The following PRH1 variants were observed in gnomAD, a reference collection of about 807,000 sequenced individuals.
PRH1 encodes salivary acidic proline-rich phosphoprotein 1/2.
In PRH1, 7 loss-of-function variants were observed where a neutral mutation model predicts 7.9. The observed-to-expected ratio is 0.89, with a 90% CI of 0.50 to 1.67. The LOEUF (loss-of-function observed/expected upper bound fraction) is 1.67. Among genes scored for constraint, PRH1 ranks in the 40% most tolerant of loss-of-function variants. The pLI is 0.00. For missense variants in PRH1, 109 were observed against 223.6 expected (o/e 0.49, Z 3.27); for synonymous variants, 45 against 80.8 (o/e 0.56, Z 2.38).
intron 1 of PRH1, among the ~76,000 whole-genome samples, chr12:11,032,603 C>G (rs919955195): frequency 6.6e-6 from 1 of 152,128 alleles, no homozygotes; most frequent in African/African-American, 2.4e-5. Context: ...GAAATTAGTC[C>G]TATTTTCCCA....
intron 2 of PRH1, among the ~76,000 whole-genome samples, chr12:10,916,804 T>C (rs1237985136): frequency 6.6e-6 from 1 of 151,934 alleles, no homozygotes; most frequent in Non-Finnish European, 1.5e-5. Flanking sequence ...TCCCAGCATT[T>C]TGGGAGGCCA....
At chr12:11,143,819 C>T (rs61931269) in intron 1 of PRH1, among the ~76,000 whole-genome samples, 14 of 152,088 alleles carry the variant, frequency 9.2e-5, no homozygotes, top group African/African-American at 3.1e-4. Context: ...GGAGCTCCCA[C>T]GTATATAAGT....
At chr12:10,953,979 T>C (rs1269280717) in intron 2 of PRH1, among the ~76,000 whole-genome samples, 1 of 152,166 alleles carries the variant, frequency 6.6e-6, no homozygotes, top group Non-Finnish European at 1.5e-5. Context: ...TGAAAAAGAA[T>C]GTCCGACCAA....
intron 1 of PRH1, among the ~76,000 whole-genome samples, chr12:11,137,174 T>C (rs72477461): frequency 6.6e-6 from 1 of 152,084 alleles, no homozygotes; most frequent in African/African-American, 2.4e-5. Flanking sequence ...TAATAAAATA[T>C]AGTATCTCAA....
chr12:10,894,878 G>A (rs1423834512), intron 2 of PRH1: 3 of 152,164 alleles, frequency 2.0e-5, no homozygotes, highest in African/African-American at 7.2e-5. Context: ...AGAAACAAAT[G>A]TGTAGCCCTC....
intron 1 of PRH1, among the ~76,000 whole-genome samples, chr12:10,999,846 T>C (rs1392805938): frequency 6.6e-6 from 1 of 152,164 alleles, no homozygotes; most frequent in Non-Finnish European, 1.5e-5. Flanking sequence ...CATGGCTTCT[T>C]GCACTAGATA....
In PRH1 at chr12:11,068,874, T is replaced by C. The variant is rs1943938022; in HGVS notation, n.124-21686A>G. Among the ~76,000 whole-genome samples, 4 of 150,230 alleles carry C rather than the reference T, an allele frequency of 2.7e-5. No individual in the cohort carries two copies. In the South Asian group the frequency reaches 8.4e-4, roughly 31 times the overall value. On this transcript the variant is annotated intron_variant and non_coding_transcript_variant, in intron 1 of 4. Coordinates refer to the PRH1 transcript ENST00000541977. The stretch of plus-strand genomic sequence containing the variant: ...ATTCAAGCAAAAATATTATTAATAC[T>C]CCATCTTTTCCCTTAGATTTTTGGT...
At chr12:10,997,022 G>C in intron 1 of PRH1, 1 of 1,614,008 alleles carries the variant, frequency 6.2e-7, no homozygotes, top group Non-Finnish European at 8.5e-7. Flanking sequence ...CTGCTTTAGC[G>C]TCTTGTTCCC....
chr12:11,017,320 A>C (rs74329132), intron 1 of PRH1, among the ~76,000 whole-genome samples: 1 of 152,306 alleles, frequency 6.6e-6, no homozygotes, highest in African/African-American at 2.4e-5. Flanking sequence ...TACAATAACC[A>C]GGAAATGGAA....
intron 1 of PRH1, among the ~76,000 whole-genome samples, chr12:11,093,325 T>C (rs1398668481): frequency 8.6e-6 from 1 of 116,266 alleles, no homozygotes. Context: ...CAATCCTCCA[T>C]AAGATCTGGT....
intron 1 of PRH1, chr12:11,158,972 G>C (rs1947336298): frequency 1.3e-5 from 2 of 152,066 alleles, no homozygotes; most frequent in African/African-American, 4.8e-5. Context: ...TCCTATTAAA[G>C]TGGAAATAAA....
intron 1 of PRH1, among the ~76,000 whole-genome samples, chr12:11,100,566 A>G (rs966659299): frequency 1.7e-4 from 26 of 152,216 alleles, no homozygotes; most frequent in African/African-American, 5.8e-4. Flanking sequence ...TTAAATTTTA[A>G]GCTGTTTTTA....
chr12:10,902,808 T>C (rs1409996279), intron 2 of PRH1, among the ~76,000 whole-genome samples: 1 of 152,098 alleles, frequency 6.6e-6, no homozygotes, highest in Non-Finnish European at 1.5e-5. Flanking sequence ...AAATCTTTTA[T>C]AGACAAGCAA....
At chr12:10,972,726 C>T (rs897598614) in intron 2 of PRH1, among the ~76,000 whole-genome samples, 4 of 152,052 alleles carry the variant, frequency 2.6e-5, no homozygotes, top group Admixed American at 6.6e-5. Context: ...GGAGTTTGGT[C>T]GTAACTAGAA....
chr12:11,060,639 T>C (rs537169230), intron 1 of PRH1, among the ~76,000 whole-genome samples: 1 of 148,472 alleles, frequency 6.7e-6, no homozygotes, highest in South Asian at 2.1e-4. Flanking sequence ...TCATCCCTAT[T>C]ATAGAAGAGA....
intron 1 of PRH1, among the ~76,000 whole-genome samples, chr12:11,061,001 T>A (rs1943575537): frequency 6.6e-6 from 1 of 152,242 alleles, no homozygotes; most frequent in African/African-American, 2.4e-5. Context: ...TAGTTCTTAA[T>A]AATTATAAAT....
chr12:11,087,911 T>C lies in PRH1; in HGVS notation n.124-40723A>G, dbSNP rs143713715. 1.3e-3 allele frequency among the ~76,000 whole-genome samples: 150 copies of C among 116,634 alleles called. 30 individuals are homozygous for C. In the East Asian group the frequency reaches 0.026, roughly 20 times the overall value. The allele number at this position is 116,634 out of a possible 152,430, so 76.5% of individuals were successfully genotyped here. ...GTGAATGGTTCTTAATCTACACCCA[T>C]TATGAGGAAAAATCAAAACAATTTG... On this transcript the variant is annotated intron_variant and non_coding_transcript_variant, in intron 1 of 4. Transcript: ENST00000541977.
At chr12:11,168,580 T>G (rs1186214805) in intron 1 of PRH1, among the ~76,000 whole-genome samples, 3 of 152,122 alleles carry the variant, frequency 2.0e-5, no homozygotes, top group African/African-American at 7.2e-5. Context: ...GAATCTAATC[T>G]TCCACAGCAT....
At chr12:10,977,330 G>T (rs982165071) in intron 1 of PRH1, among the ~76,000 whole-genome samples, 2 of 152,028 alleles carry the variant, frequency 1.3e-5, no homozygotes, top group South Asian at 4.1e-4. Context: ...TTATCATCTC[G>T]ATAGATGCAG....
Sources: gnomAD v4.1 joint callset for allele counts (sites outside exome capture counted in the v4.1 genomes callset) on GRCh38, gnomAD v4.1.1 for gene constraint, MANE v1.5 for transcripts, NCBI Gene and HGNC (gene_info 2026-07-23, HGNC 2026-07-21) for gene names.